The following FHIT variants were observed in gnomAD, a reference collection of about 807,000 sequenced individuals.
FHIT encodes the protein bis(5'-adenosyl)-triphosphatase.
In FHIT, 19 loss-of-function variants were observed where a neutral mutation model predicts 17.9. The observed-to-expected ratio is 1.06, with a 90% CI of 0.74 to 1.56. The LOEUF is 1.56. Ranked by LOEUF, FHIT falls within the 40% of genes most tolerant of loss-of-function variation. The probability of loss-of-function intolerance (pLI) is 0.00; values close to 1 mark genes in which losing one functional copy is unlikely to be tolerated. For missense variants in FHIT, 248 were observed against 189.2 expected, an observed-to-expected ratio of 1.31 and a Z score of -1.82; for synonymous variants, 81 against 69.7, an observed-to-expected ratio of 1.16 and a Z score of -0.81.
intron 5 of FHIT, among the ~76,000 whole-genome samples, chr3:60,375,511 G>A (rs1042243633): frequency 2.6e-5 from 4 of 152,056 alleles, no homozygotes; most frequent in African/African-American, 7.2e-5. Flanking sequence ...AGAGGCAGAG[G>A]TTGCAGTGAG....
chr3:60,749,777 C>T (rs1291758106), intron 4 of FHIT, among the ~76,000 whole-genome samples: 1 of 152,106 alleles, frequency 6.6e-6, no homozygotes, highest in Non-Finnish European at 1.5e-5. Context: ...AAAGCCATAA[C>T]TTGAAGCCAT....
At chr3:60,494,743 C>T (rs1210704770) in intron 5 of FHIT, among the ~76,000 whole-genome samples, 1 of 152,040 alleles carries the variant, frequency 6.6e-6, no homozygotes, top group African/African-American at 2.4e-5. Flanking sequence ...CTTTCTAGGC[C>T]TGACTTATTT....
At chr3:60,644,549 G>A (rs1204960050) in intron 4 of FHIT, among the ~76,000 whole-genome samples, 8 of 152,158 alleles carry the variant, frequency 5.3e-5, no homozygotes, top group South Asian at 2.1e-4. Flanking sequence ...TTCATGTAAC[G>A]AGTATGCTGA....
chr3:60,609,023 A>G (rs79757288), intron 4 of FHIT, among the ~76,000 whole-genome samples: 24 of 78,282 alleles, frequency 3.1e-4, no homozygotes, highest in African/African-American at 1.2e-3. Context: ...CACAATTTGG[A>G]AAAAAAAAAA....
intron 4 of FHIT, among the ~76,000 whole-genome samples, chr3:60,659,179 T>G (rs2040184674): frequency 6.6e-6 from 1 of 152,158 alleles, no homozygotes; most frequent in African/African-American, 2.4e-5. Flanking sequence ...ATGAGTTGCT[T>G]CTCTCATGTT....
chr3:60,438,472 TTC>T (rs2030481809), intron 5 of FHIT, among the ~76,000 whole-genome samples: 2 of 152,104 alleles, frequency 1.3e-5, no homozygotes, highest in African/African-American at 2.4e-5. Flanking sequence ...CCACCCTGAA[TTC>T]TCTGTCTCTC....
chr3:61,141,504 T>A (rs1279685358), intron 2 of FHIT, among the ~76,000 whole-genome samples: 1 of 151,862 alleles, frequency 6.6e-6, no homozygotes, highest in Admixed American at 6.6e-5. Flanking sequence ...CAGAGAGATA[T>A]TTGATCCGTT....
chr3:61,185,477 C>A (rs2038479150), intron 2 of FHIT, among the ~76,000 whole-genome samples: 1 of 152,168 alleles, frequency 6.6e-6, no homozygotes, highest in Admixed American at 6.5e-5. Context: ...CACTGCTCTT[C>A]CTGAAGTCAG....
intron 5 of FHIT, among the ~76,000 whole-genome samples, chr3:60,153,364 G>GAAAAAAA (rs71089587): frequency 9.4e-6 from 1 of 106,534 alleles, no homozygotes; most frequent in African/African-American, 3.6e-5. Context: ...CAATTCACCA[G>GAAAAAAA]AAAAAAAAAA....
intron 4 of FHIT, among the ~76,000 whole-genome samples, chr3:60,646,273 A>C: frequency 6.6e-6 from 1 of 152,286 alleles, no homozygotes; most frequent in Admixed American, 6.5e-5. Context: ...GAATGTAAAA[A>C]ATTACTTATA....
intron 5 of FHIT, among the ~76,000 whole-genome samples, chr3:60,414,702 CA>C (rs1430412915): frequency 3.9e-5 from 6 of 152,236 alleles, no homozygotes; most frequent in African/African-American, 1.4e-4. Flanking sequence ...TAAAAGAGAT[CA>C]AAAGGTGGCA....
chr3:59,810,281 G>A (rs1027318708), intron 8 of FHIT, among the ~76,000 whole-genome samples: 1 of 152,198 alleles, frequency 6.6e-6, no homozygotes, highest in African/African-American at 2.4e-5. Context: ...GCCTTGGGCT[G>A]TAGAGGCTCA....
intron 5 of FHIT, among the ~76,000 whole-genome samples, chr3:60,362,839 G>A (rs1019569394): frequency 1.1e-4 from 17 of 152,174 alleles, no homozygotes; most frequent in Admixed American, 7.2e-4. Context: ...TTCAATAAAC[G>A]GCAGACAAAT....
chr3:59,867,286 C>G (rs980812302), intron 8 of FHIT, among the ~76,000 whole-genome samples: 1 of 150,456 alleles, frequency 6.6e-6, no homozygotes, highest in African/African-American at 2.5e-5. Flanking sequence ...GACACACTTT[C>G]TACTTGAATC....
chr3:60,029,657 A>G (rs1700898473), intron 5 of FHIT, among the ~76,000 whole-genome samples: 1 of 152,200 alleles, frequency 6.6e-6, no homozygotes, highest in Non-Finnish European at 1.5e-5. Context: ...CTAAAAGAAA[A>G]TGATATTTAT....
intron 5 of FHIT, among the ~76,000 whole-genome samples, chr3:60,187,464 C>A (rs999003577): frequency 1.3e-5 from 2 of 152,134 alleles, no homozygotes; most frequent in Non-Finnish European, 2.9e-5. Context: ...GAAGCCTTCA[C>A]GGGTTTCCTG....
At chr3:61,019,246 A>C (rs141718144) in intron 3 of FHIT, among the ~76,000 whole-genome samples, 171 of 152,326 alleles carry the variant, frequency 1.1e-3, no homozygotes, top group African/African-American at 4.0e-3. Context: ...AATATATTAG[A>C]GATTAGTTCA....
intron 8 of FHIT, among the ~76,000 whole-genome samples, chr3:59,859,220 G>C (rs1026248043): frequency 2.6e-5 from 4 of 152,188 alleles, no homozygotes; most frequent in Non-Finnish European, 5.9e-5. Context: ...TGGGGATACG[G>C]TCAGTGTGGT....
chr3:59,857,034 T>C (rs1309588134), intron 8 of FHIT, among the ~76,000 whole-genome samples: 1 of 152,246 alleles, frequency 6.6e-6, no homozygotes, highest in Non-Finnish European at 1.5e-5. Context: ...TCGCAGTCTC[T>C]GAATACTGAT....
Sources: allele counts gnomAD v4.1 joint callset (sites outside exome capture counted in the v4.1 genomes callset), GRCh38; gene constraint gnomAD v4.1.1; transcripts MANE v1.5; gene names NCBI Gene and HGNC (gene_info 2026-07-23, HGNC 2026-07-21).